Variants in MAGI1 observed in about 807,000 individuals in gnomAD.
MAGI1 encodes the protein membrane associated guanylate kinase, WW and PDZ domain containing 1.
A neutral mutation model predicts 139.9 loss-of-function variants in MAGI1; 58 were observed. The observed-to-expected ratio is 0.41, with a 90% CI of 0.34 to 0.52. The LOEUF is 0.52. Ranked by LOEUF, MAGI1 falls within the 20% of genes least tolerant of loss-of-function variation. The pLI is 0.12. For missense variants in MAGI1, 1,874 were observed against 1,901.6 expected (o/e 0.99, Z 0.27); for synonymous variants, 812 against 737.9 (o/e 1.10, Z -1.63).
intron 1 of MAGI1, among the ~76,000 whole-genome samples, chr3:66,018,851 A>T (rs532775746): frequency 6.6e-6 from 1 of 152,178 alleles, no homozygotes; most frequent in South Asian, 2.1e-4. Context: ...TGGCTGTCTG[A>T]TCACCTCTCG....
At chr3:65,494,840 C>A (rs1391748124) in intron 2 of MAGI1, among the ~76,000 whole-genome samples, 3 of 152,240 alleles carry the variant, frequency 2.0e-5, no homozygotes, top group East Asian at 1.9e-4. Flanking sequence ...ACACTCAACA[C>A]TTAGTACACA....
intron 2 of MAGI1, among the ~76,000 whole-genome samples, chr3:65,540,089 C>T (rs2079140311): frequency 6.6e-6 from 1 of 152,182 alleles, no homozygotes; most frequent in South Asian, 2.1e-4. Context: ...AAGTGCTTAA[C>T]ATCAAGATGG....
chr3:65,495,158 T>C (rs1952333275), intron 2 of MAGI1, among the ~76,000 whole-genome samples: 1 of 152,194 alleles, frequency 6.6e-6, no homozygotes. Flanking sequence ...AGAACAGTGG[T>C]CTGGAGTGGG....
intron 5 of MAGI1, among the ~76,000 whole-genome samples, chr3:65,456,295 A>G (rs145602490): frequency 5.9e-5 from 9 of 152,158 alleles, no homozygotes; most frequent in Admixed American, 3.9e-4. Context: ...TCATGTGCAT[A>G]TCTTCCATCT....
At chr3:65,383,985 T>C (rs1300511217) in intron 14 of MAGI1, among the ~76,000 whole-genome samples, 2 of 152,190 alleles carry the variant, frequency 1.3e-5, no homozygotes, top group Admixed American at 6.5e-5. Context: ...AAAGCAGGTG[T>C]CCATGTCCAA....
intron 5 of MAGI1, among the ~76,000 whole-genome samples, chr3:65,453,642 C>T (rs896902322): frequency 6.6e-6 from 1 of 152,136 alleles, no homozygotes; most frequent in Non-Finnish European, 1.5e-5. Context: ...CGTATACCAT[C>T]TACCCTTGTC....
chr3:65,440,149 A>T (rs1948174579), intron 8 of MAGI1, 137 bp from the exon 9 acceptor site: 1 of 936,870 alleles, frequency 1.1e-6, no homozygotes. Context: ...TAAAATGCTC[A>T]GTTAGAAAGA....
intron 9 of MAGI1, 45 bp downstream of exon 9, chr3:65,439,834 C>G (rs1948131777): frequency 6.2e-7 from 1 of 1,604,542 alleles, no homozygotes; most frequent in Non-Finnish European, 8.5e-7. Flanking sequence ...AGATTTCACC[C>G]CATGCTCCCC....
In MAGI1 at chr3:65,937,777, G is replaced by A. The variant is rs181166462; in HGVS notation, c.313+100219C>T. 9.2e-5 allele frequency among the ~76,000 whole-genome samples: 14 copies of A among 152,170 alleles called. No individual in the cohort carries two copies. In the East Asian group the frequency reaches 2.7e-3, roughly 29 times the overall value. On this transcript the variant is annotated intron_variant, in intron 1 of 22. Coordinates refer to ENST00000402939, the MANE Select transcript of MAGI1 (RefSeq NM_001033057.2). ...AGGTTTGACACCAAAAAAAGGGAAAGAGATAAGTAATGAAACTACACCAAA... is the reference window on the plus strand; with the variant it reads ...AGGTTTGACACCAAAAAAAGGGAAAAAGATAAGTAATGAAACTACACCAAA...
At chr3:66,006,095 T>C (rs1360495758) in intron 1 of MAGI1, among the ~76,000 whole-genome samples, 1 of 152,186 alleles carries the variant, frequency 6.6e-6, no homozygotes, top group African/African-American at 2.4e-5. Flanking sequence ...TTTGTGACTT[T>C]ACCACTACCA....
chr3:65,461,300 C>T (rs2107535566), intron 5 of MAGI1, among the ~76,000 whole-genome samples: 1 of 152,028 alleles, frequency 6.6e-6, no homozygotes, highest in African/African-American at 2.4e-5. Context: ...ACTGCAACCT[C>T]CACCTCCCAG....
At chr3:65,739,381 T>C (rs2035064298) in intron 1 of MAGI1, among the ~76,000 whole-genome samples, 2 of 152,196 alleles carry the variant, frequency 1.3e-5, no homozygotes, top group South Asian at 4.1e-4. Context: ...TAATCTTCTA[T>C]CCAGACCAAC....
intron 1 of MAGI1, among the ~76,000 whole-genome samples, chr3:65,978,621 C>CTTTTT (rs373662388): frequency 7.0e-5 from 9 of 129,162 alleles, no homozygotes; most frequent in African/African-American, 2.0e-4. Context: ...CTCAAAATTT[C>CTTTTT]TTTTTTTTTT....
intron 1 of MAGI1, among the ~76,000 whole-genome samples, chr3:65,660,097 C>CATAA (rs1163674476): frequency 6.6e-6 from 1 of 152,102 alleles, no homozygotes; most frequent in Non-Finnish European, 1.5e-5. Flanking sequence ...AAAGAGAAGG[C>CATAA]ATAATTTCAG....
In MAGI1 at chr3:65,934,009, C is replaced by T. The variant is rs186409498; in HGVS notation, c.313+103987G>A. ...GGGCTTGGTGGTGGGCATCTGTAAT[C>T]CCAGCTACTCGGGAGGCTGAGGCAG... On this transcript the variant is annotated intron_variant, in intron 1 of 22. Coordinates refer to ENST00000402939, the MANE Select transcript of MAGI1 (RefSeq NM_001033057.2). 4.1e-4 allele frequency among the ~76,000 whole-genome samples: 63 copies of T among 152,142 alleles called. No individual in the cohort carries two copies. The South Asian group carries it at 5.6e-3, about 14-fold the overall frequency.
rs901174548 is a variant in MAGI1 at position 65,621,985 on chromosome 3, G to C, written c.417C>G (p.Arg139=). The C allele has an allele frequency of 6.2e-7, 1 of 1,611,314 alleles. No individual in the cohort carries two copies. The highest frequency in any genetic ancestry group is 8.5e-7 in the Non-Finnish European group (1 of 1,177,878). The change falls in exon 2 of 23, where the codon CGC becomes CGG. Residue 139 remains arginine, a synonymous_variant. Transcript: ENST00000402939. ...CCAACTACTTACAAGGCACAGCATGGCGGTAAAGGTTATCCCTTATGGTCT... is the reference window on the plus strand; with the variant it reads ...CCAACTACTTACAAGGCACAGCATGCCGGTAAAGGTTATCCCTTATGGTCT... The part of the protein sequence containing the change: ...LQQTIRDNLY[R]HAVPCTTRSP...
intron 1 of MAGI1, among the ~76,000 whole-genome samples, chr3:65,773,648 C>T (rs1405859633): frequency 1.3e-5 from 2 of 152,104 alleles, no homozygotes; most frequent in East Asian, 1.9e-4. Flanking sequence ...AATGTATATG[C>T]CTTGGAATTC....
intron 2 of MAGI1, chr3:65,499,074 C>A (rs202112841): frequency 0.04 from 23,620 of 584,172 alleles, 247 homozygotes; most frequent in Non-Finnish European, 0.045. Flanking sequence ...AAAAAAAAAA[C>A]AAAAAACTCT....
chr3:65,857,720 A>G (rs553900443), intron 1 of MAGI1, among the ~76,000 whole-genome samples: 10 of 152,274 alleles, frequency 6.6e-5, no homozygotes, highest in Non-Finnish European at 1.0e-4. Flanking sequence ...TAAAACTGCT[A>G]TGTACTAGGA....
Sources: allele counts gnomAD v4.1 joint callset (sites outside exome capture counted in the v4.1 genomes callset), GRCh38; gene constraint gnomAD v4.1.1; transcripts MANE v1.5; gene names NCBI Gene and HGNC (gene_info 2026-07-23, HGNC 2026-07-21).